The following DCAF8L2 variants were observed in gnomAD, a reference collection of about 807,000 sequenced individuals.
DCAF8L2 encodes the protein DDB1 and CUL4 associated factor 8 like 2, also known as DDB1- and CUL4-associated factor 8-like protein 2.
For synonymous variants in DCAF8L2, 200 were observed against 190.9 expected (o/e 1.05, Z -0.39); for missense variants, 430 against 490.7 (o/e 0.88, Z 1.17).
At chrX:27,721,278 T>C (rs1931892563) in intron 4 of DCAF8L2, among the ~76,000 whole-genome samples, 1 of 111,431 alleles carries the variant, frequency 9.0e-6, no homozygotes, top group African/African-American at 3.3e-5. Context: ...TTTAAGAAAA[T>C]GGTGCATGAG....
In DCAF8L2 at chrX:27,704,098, C is replaced by T. The variant is rs1931231749; in HGVS notation, c.-142-11990C>T. Among the ~76,000 whole-genome samples the T allele has an allele frequency of 3.0e-5, 3 of 101,671 alleles. No individual in the cohort carries two copies. In the South Asian group the frequency reaches 1.2e-3, roughly 42 times the overall value. The allele number at this position is 101,671 out of a possible 115,157, so 88.3% of individuals were successfully genotyped here. On this transcript the variant is annotated intron_variant, in intron 3 of 4. Coordinates refer to ENST00000451261, the MANE Select transcript of DCAF8L2 (RefSeq NM_001353450.2). Reference sequence around the variant, plus strand: ...ATGTATAAATCAAGATACACATCATCAATTGATGGACACTTAGGCTATTAC... The same window carrying T: ...ATGTATAAATCAAGATACACATCATTAATTGATGGACACTTAGGCTATTAC...
the DCAF8L2 span, among the ~76,000 whole-genome samples, chrX:27,564,488 A>C: frequency 1.8e-5 from 2 of 108,258 alleles, no homozygotes; most frequent in African/African-American, 3.4e-5. Context: ...GTAACAGTTG[A>C]GGTGCACGTG....
chrX:27,546,174 A>G, the DCAF8L2 span, among the ~76,000 whole-genome samples: 5 of 107,833 alleles, frequency 4.6e-5, no homozygotes, highest in South Asian at 1.2e-3. Flanking sequence ...CGAAGGGGAT[A>G]CAAGCCCCAT....
chrX:27,530,843 A>G, the DCAF8L2 span, among the ~76,000 whole-genome samples: 2 of 112,108 alleles, frequency 1.8e-5, no homozygotes, highest in Admixed American at 1.9e-4. Context: ...GACAAGAAAT[A>G]GTCTATCATT....
At chrX:27,623,260 T>C in intron 1 of DCAF8L2, among the ~76,000 whole-genome samples, 1 of 111,087 alleles carries the variant, frequency 9.0e-6, no homozygotes, top group Non-Finnish European at 1.9e-5. Context: ...GAAAAAAAAC[T>C]GAAAAATCCT....
intron 3 of DCAF8L2, among the ~76,000 whole-genome samples, chrX:27,713,186 G>A (rs1023517542): frequency 1.8e-5 from 2 of 111,649 alleles, no homozygotes; most frequent in African/African-American, 6.5e-5. Context: ...GGACTGAAAG[G>A]AGACATTTCA....
At chrX:27,745,446 T>G (rs1197695721) in intron 4 of DCAF8L2, among the ~76,000 whole-genome samples, 1 of 112,434 alleles carries the variant, frequency 8.9e-6, no homozygotes, top group Non-Finnish European at 1.9e-5. Flanking sequence ...GCTCATGTAT[T>G]TAATTCTAGT....
chrX:27,677,415 T>C (rs1162802863), intron 2 of DCAF8L2, among the ~76,000 whole-genome samples: 1 of 111,249 alleles, frequency 9.0e-6, no homozygotes, highest in Non-Finnish European at 1.9e-5. Flanking sequence ...AAAAGAGAAA[T>C]GTATTGAGAG....
chrX:27,597,436 A>C (rs930256166), intron 1 of DCAF8L2, among the ~76,000 whole-genome samples: 8 of 111,645 alleles, frequency 7.2e-5, no homozygotes, highest in African/African-American at 2.6e-4. Flanking sequence ...TGACAGATTA[A>C]AATCAGGCCA....
chrX:27,485,187 A>T, the DCAF8L2 span, among the ~76,000 whole-genome samples: 1 of 112,077 alleles, frequency 8.9e-6, no homozygotes, highest in Admixed American at 9.5e-5. Context: ...TTGGGATTAG[A>T]ACTGGAAAAG....
At chrX:27,683,339 G>A (rs1277922642) in intron 3 of DCAF8L2, among the ~76,000 whole-genome samples, 1 of 111,567 alleles carries the variant, frequency 9.0e-6, no homozygotes, top group Non-Finnish European at 1.9e-5. Context: ...TGTGGGATTC[G>A]AACCATCATT....
chrX:27,690,697 C>G (rs1602739316), intron 3 of DCAF8L2, among the ~76,000 whole-genome samples: 1 of 110,972 alleles, frequency 9.0e-6, no homozygotes, highest in East Asian at 2.8e-4. Flanking sequence ...CTGGCCTTTA[C>G]CTCCTCTCTT....
At chrX:27,730,368 T>C (rs1215049583) in intron 4 of DCAF8L2, among the ~76,000 whole-genome samples, 1 of 112,166 alleles carries the variant, frequency 8.9e-6, no homozygotes, top group Admixed American at 9.5e-5. Context: ...CCACAGATAA[T>C]GTTGTACAGC....
intron 1 of DCAF8L2, among the ~76,000 whole-genome samples, chrX:27,619,004 A>AATCTATCTATCTATCT (rs57635575): frequency 1.9e-4 from 19 of 101,681 alleles, no homozygotes; most frequent in South Asian, 9.3e-4. Context: ...ATCTATATCT[A>AATCTATCTATCTATCT]ATCTATCTAT....
At chrX:27,700,942 G>A (rs1054525395) in intron 3 of DCAF8L2, among the ~76,000 whole-genome samples, 5 of 111,123 alleles carry the variant, frequency 4.5e-5, no homozygotes, top group African/African-American at 1.3e-4. Flanking sequence ...AAAATTCCTT[G>A]TAAGTTAAAG....
At chrX:27,509,076 G>A in the DCAF8L2 span, among the ~76,000 whole-genome samples, 1 of 111,568 alleles carries the variant, frequency 9.0e-6, no homozygotes, top group Non-Finnish European at 1.9e-5. Context: ...TGTGTCAATA[G>A]AACAATAGTT....
intron 1 of DCAF8L2, among the ~76,000 whole-genome samples, chrX:27,595,307 TA>T (rs1926300896): frequency 1.8e-5 from 2 of 111,758 alleles, no homozygotes; most frequent in South Asian, 7.6e-4. Context: ...ATAGACACTT[TA>T]AAAAAAGCAG....
chrX:27,676,002 A>C (rs1195103976), intron 2 of DCAF8L2, among the ~76,000 whole-genome samples: 1 of 112,331 alleles, frequency 8.9e-6, no homozygotes, highest in Non-Finnish European at 1.9e-5. Context: ...TTTAATTTGC[A>C]TAACTAAATG....
intron 3 of DCAF8L2, among the ~76,000 whole-genome samples, chrX:27,704,199 T>C (rs5971440): frequency 1.5e-5 from 1 of 66,506 alleles, no homozygotes; most frequent in African/African-American, 6.7e-5. Context: ...CATATGTATA[T>C]ACACATGTAC....
Sources: allele counts gnomAD v4.1 joint callset (sites outside exome capture counted in the v4.1 genomes callset), GRCh38; gene constraint gnomAD v4.1.1; transcripts MANE v1.5; gene names NCBI Gene and HGNC (gene_info 2026-07-23, HGNC 2026-07-21).